The following FER variants were observed in gnomAD, a reference collection of about 807,000 sequenced individuals.
FER encodes the protein FER tyrosine kinase, also known as tyrosine-protein kinase Fer.
In FER, 63 loss-of-function variants were observed where a neutral mutation model predicts 111.0. The ratio of observed to expected loss-of-function variants is 0.57; its 90% CI spans 0.46 to 0.70. The LOEUF is 0.70. Among genes scored for constraint, FER ranks in the 30% least tolerant of loss-of-function variants. FER has a pLI of 0.00. For missense variants in FER, 914 were observed against 954.0 expected (o/e 0.96, Z 0.55); for synonymous variants, 327 against 313.9 (o/e 1.04, Z -0.44).
intron 13 of FER, among the ~76,000 whole-genome samples, chr5:109,010,403 C>G (rs1395988801): frequency 6.6e-6 from 1 of 151,902 alleles, no homozygotes; most frequent in South Asian, 2.1e-4. Context: ...GTGATCCGCC[C>G]GCCTCGGCCT....
At chr5:108,877,415 G>A (rs1052239226) in intron 8 of FER, among the ~76,000 whole-genome samples, 7 of 152,180 alleles carry the variant, frequency 4.6e-5, no homozygotes, top group Admixed American at 2.6e-4. Context: ...ATTGGAGGTG[G>A]ATTAAGTGGG....
At chr5:109,095,279 A>G (rs1390629838) in intron 16 of FER, among the ~76,000 whole-genome samples, 1 of 152,138 alleles carries the variant, frequency 6.6e-6, no homozygotes, top group Non-Finnish European at 1.5e-5. Context: ...AAAAGGAATC[A>G]GGAAAGCCAG....
intron 7 of FER, 123 bp from the exon 8 acceptor site, chr5:108,871,970 T>A: frequency 1.0e-6 from 1 of 982,242 alleles, no homozygotes; most frequent in South Asian, 1.7e-5. Context: ...TGATTTATAC[T>A]ATTTGTGTTT....
Position 109,044,749 on chromosome 5 carries a change from G to C in FER, c.1783G>C (p.Glu595Gln). 6.3e-7 allele frequency: 1 copy of C among 1,590,062 alleles called. No individual in the cohort carries two copies. Residue 595 changes from glutamate (E) to glutamine (Q), a missense_variant, in exon 15 of 20, where the codon GAA (glutamate) becomes CAA (glutamine). Physicochemically the swap from Glu to Gln is conservative, Grantham distance 29 (BLOSUM62 2). Around this residue, in one of 3 missense-constraint regions of FER, gnomAD observed 774 missense variants for 782.6 expected, o/e 0.99. Coordinates refer to ENST00000281092, the MANE Select transcript of FER (RefSeq NM_005246.4). Reference protein sequence around the residue: ...KTSVAVKTCKEDLPQELKIKF... With the variant: ...KTSVAVKTCKQDLPQELKIKF... ...TTCTGTTGCTGTTAAAACATGTAAA[G>C]AAGATCTTCCTCAGGAATTGAAAAT...
chr5:108,760,161 T>TC (rs1184474231), intron 1 of FER, among the ~76,000 whole-genome samples: 2 of 150,982 alleles, frequency 1.3e-5, no homozygotes, highest in South Asian at 2.1e-4. Flanking sequence ...GTCTTCTGTT[T>TC]TTTTTTTTTT....
chr5:108,942,011 C>G (rs933252985), intron 10 of FER, among the ~76,000 whole-genome samples: 2 of 152,064 alleles, frequency 1.3e-5, no homozygotes, highest in Non-Finnish European at 2.9e-5. Context: ...GGAGGCTGTG[C>G]ATGTGTGGGG....
chr5:108,766,203 A>G (rs1048010826), intron 1 of FER, among the ~76,000 whole-genome samples: 1 of 152,230 alleles, frequency 6.6e-6, no homozygotes, highest in Admixed American at 6.5e-5. Context: ...AAGTGCTGAC[A>G]TTACTGGCAT....
At chr5:108,774,422 A>G (rs1291000278) in intron 2 of FER, among the ~76,000 whole-genome samples, 1 of 152,138 alleles carries the variant, frequency 6.6e-6, no homozygotes, top group Non-Finnish European at 1.5e-5. Context: ...TAGACCCAGT[A>G]ATGGGATTGC....
intron 8 of FER, 113 bp downstream of exon 8, chr5:108,872,325 G>A (rs1764679489): frequency 6.7e-6 from 7 of 1,039,972 alleles, no homozygotes; most frequent in Non-Finnish European, 9.3e-6. Flanking sequence ...GTAAATTTTT[G>A]GGGTCAGAGT....
intron 16 of FER, among the ~76,000 whole-genome samples, chr5:109,047,981 A>G (rs997255443): frequency 1.3e-5 from 2 of 152,164 alleles, no homozygotes; most frequent in Admixed American, 6.5e-5. Context: ...GTTGTAGAAG[A>G]TACATTCAGA....
intron 13 of FER, among the ~76,000 whole-genome samples, chr5:109,027,400 A>G (rs1035177222): frequency 2.0e-5 from 3 of 152,198 alleles, no homozygotes; most frequent in Non-Finnish European, 2.9e-5. Flanking sequence ...AAGAACTTCT[A>G]TTTCAGTTTT....
chr5:108,820,647 G>A (rs1410368850), intron 3 of FER: 6 of 540,432 alleles, frequency 1.1e-5, no homozygotes, highest in Non-Finnish European at 1.4e-5. Flanking sequence ...AGACTGGACC[G>A]TAACTGAGCT....
intron 13 of FER, among the ~76,000 whole-genome samples, chr5:108,974,370 G>A (rs945214762): frequency 1.3e-5 from 2 of 152,162 alleles, no homozygotes; most frequent in African/African-American, 4.8e-5. Flanking sequence ...CTGGTGAAGG[G>A]CCTGAGACAG....
At chr5:108,957,564 A>C (rs1758591501) in intron 12 of FER, among the ~76,000 whole-genome samples, 2 of 151,672 alleles carry the variant, frequency 1.3e-5, no homozygotes, top group South Asian at 4.1e-4. Flanking sequence ...AAAAGCTATG[A>C]TAGAACTGCC....
intron 17 of FER, among the ~76,000 whole-genome samples, chr5:109,163,160 C>T (rs1022972384): frequency 2.8e-4 from 43 of 151,998 alleles, no homozygotes; most frequent in African/African-American, 9.7e-4. Flanking sequence ...ATGTTTTGTT[C>T]TAGCTTTCTT....
chr5:109,153,154 A>G (rs955138549), intron 17 of FER, among the ~76,000 whole-genome samples: 1 of 151,732 alleles, frequency 6.6e-6, no homozygotes, highest in African/African-American at 2.4e-5. Flanking sequence ...AGAAAATTTC[A>G]TTATACCATG....
intron 13 of FER, among the ~76,000 whole-genome samples, chr5:108,980,047 GT>G (rs147024307): frequency 0.068 from 10,312 of 151,704 alleles, 841 homozygotes; most frequent in African/African-American, 0.19. Context: ...CAAAACTTTT[GT>G]TTTTTTTCTG....
intron 10 of FER, among the ~76,000 whole-genome samples, chr5:108,923,348 A>T (rs536235273): frequency 4.0e-4 from 61 of 151,850 alleles, no homozygotes; most frequent in African/African-American, 1.3e-3. Context: ...AAATTAAAAA[A>T]TTTTTTTTTG....
chr5:109,090,052 T>C (rs564551403), intron 16 of FER, among the ~76,000 whole-genome samples: 12 of 152,246 alleles, frequency 7.9e-5, no homozygotes, highest in African/African-American at 2.9e-4. Context: ...TATTCTGGTT[T>C]TTTGGAGGTC....
Sources: gnomAD v4.1 joint callset for allele counts (sites outside exome capture counted in the v4.1 genomes callset) on GRCh38, gnomAD v4.1.1 for gene constraint, gnomAD v4.1.1 regional missense constraint, MANE v1.5 for transcripts, NCBI Gene and HGNC (gene_info 2026-07-23, HGNC 2026-07-21) for gene names.